TMCO6: variants seen among roughly 807,000 people sequenced by gnomAD.
The protein encoded by TMCO6 is transmembrane and coiled-coil domains 6, also known as transmembrane and coiled-coil domain-containing protein 6.
A neutral mutation model predicts 61.8 loss-of-function variants in TMCO6; 47 were observed. The observed-to-expected ratio is 0.76, with a 90% CI of 0.60 to 0.97. TMCO6 has a LOEUF of 0.97. TMCO6 is among the 50% of genes least tolerant of loss of function. The probability of loss-of-function intolerance (pLI) is 0.00; values close to 1 mark genes in which losing one functional copy is unlikely to be tolerated. For missense variants in TMCO6, 557 were observed against 601.6 expected, an observed-to-expected ratio of 0.93 and a Z score of 0.78; for synonymous variants, 261 against 254.2, an observed-to-expected ratio of 1.03 and a Z score of -0.25.
chr5:140,647,437 ACCCTGGCGTC>A (rs1396045882), downstream of TMCO6: 5 of 1,606,312 alleles, frequency 3.1e-6, no homozygotes, highest in African/African-American at 6.7e-5. Flanking sequence ...CGAGGTCGTG[ACCCTGGCGTC>A]CCGAAGCCCG....
the TMCO6 span, among the ~76,000 whole-genome samples, chr5:140,598,111 G>A: frequency 6.6e-6 from 1 of 152,094 alleles, no homozygotes; most frequent in South Asian, 2.1e-4. Flanking sequence ...CATGGTGCAT[G>A]TGAGCATACC....
chr5:140,632,428 A>C, the TMCO6 span: 1 of 1,614,160 alleles, frequency 6.2e-7, no homozygotes, highest in Non-Finnish European at 8.5e-7. This position sits in a 1 kb window ranked among gnomAD's most constrained non-coding sequence, Gnocchi z 6.2. Context: ...TGTTCGCAGG[A>C]AAAGGCAGGC....
the TMCO6 span, chr5:140,633,403 C>T: frequency 4.1e-6 from 2 of 490,670 alleles, no homozygotes; most frequent in Non-Finnish European, 3.7e-6. Context: ...GACTCAGGCG[C>T]CCCAGGCGGT....
intron 2 of TMCO6, chr5:140,641,236 A>T (rs2149791878): frequency 6.2e-6 from 1 of 160,234 alleles, no homozygotes; most frequent in South Asian, 1.7e-4. Context: ...CAGGCAGAAG[A>T]AATAGCATGT....
At chr5:140,611,181 A>G in the TMCO6 span, among the ~76,000 whole-genome samples, 1 of 152,198 alleles carries the variant, frequency 6.6e-6, no homozygotes, top group Non-Finnish European at 1.5e-5. Flanking sequence ...GGTTCAGGGC[A>G]GGAGAGCTTA....
downstream of TMCO6, chr5:140,647,174 T>C: frequency 2.1e-6 from 3 of 1,425,446 alleles, no homozygotes; most frequent in Non-Finnish European, 2.8e-6. Context: ...CACGGGTTTC[T>C]GCACGACCTT....
Position 140,641,907 on chromosome 5 carries a change from A to T in TMCO6, c.352A>T (p.Thr118Ser). 1 of 1,613,284 alleles carries T rather than the reference A, an allele frequency of 6.2e-7. No homozygotes were observed. Reference sequence around the variant, plus strand: ...CATGCGGACCCTGGTCGGGCTCCTGACCAGCAACCAGGCCCTGCTGCAGCT... The same window carrying T: ...CATGCGGACCCTGGTCGGGCTCCTGTCCAGCAACCAGGCCCTGCTGCAGCT... ...GSMRTLVGLL[T>S]SNQALLQLEA... is the part of the protein sequence containing the mutation. The change falls in exon 4 of 12, where the codon ACC becomes TCC. Residue 118 changes from threonine to serine, a missense_variant. By Grantham distance (58) the Thr-to-Ser change is moderately conservative (BLOSUM62 1). Coordinates refer to ENST00000394671, the MANE Select transcript of TMCO6 (RefSeq NM_018502.5).
chr5:140,639,967 A>C, intron 2 of TMCO6, 116 bp downstream of exon 2: 1 of 820,242 alleles, frequency 1.2e-6, no homozygotes, highest in Non-Finnish European at 2.0e-6. Flanking sequence ...CCACGCATCC[A>C]GTGGGTCAAG....
At chr5:140,617,505 C>T in the TMCO6 span, among the ~76,000 whole-genome samples, 10 of 152,228 alleles carry the variant, frequency 6.6e-5, no homozygotes, top group African/African-American at 1.7e-4. Context: ...TAGCCGAGAT[C>T]GCACCCTGTA....
the TMCO6 span, among the ~76,000 whole-genome samples, chr5:140,608,898 C>G: frequency 1.9e-4 from 29 of 152,310 alleles, 1 homozygote; most frequent in East Asian, 5.4e-3. Context: ...GTTACTGTTG[C>G]TTTGCAATAA....
chr5:140,613,386 TAAAA>T, the TMCO6 span, among the ~76,000 whole-genome samples: 15 of 87,442 alleles, frequency 1.7e-4, no homozygotes, highest in African/African-American at 5.7e-4. Context: ...AGACTCTGAC[TAAAA>T]AAAAAAAAAA....
chr5:140,645,703 TTAAC>T (rs963978163), downstream of TMCO6: 3 of 1,614,040 alleles, frequency 1.9e-6, no homozygotes, highest in Admixed American at 1.7e-5. Context: ...GGAGGTGTCT[TTAAC>T]TATTCTGCAC....
At chr5:140,645,445 T>A, downstream of TMCO6, 3 of 1,063,974 alleles carry the variant, frequency 2.8e-6, no homozygotes, top group Non-Finnish European at 4.2e-6. Flanking sequence ...GGGTAGAGGG[T>A]AGATGAGGAC....
the TMCO6 span, among the ~76,000 whole-genome samples, chr5:140,597,936 T>G: frequency 6.6e-6 from 1 of 152,220 alleles, no homozygotes; most frequent in Admixed American, 6.5e-5. Context: ...CCTGCAGATG[T>G]ATCTCTAGTC....
the TMCO6 span, among the ~76,000 whole-genome samples, chr5:140,603,678 G>T: frequency 5.1e-4 from 77 of 150,480 alleles, no homozygotes; most frequent in Middle Eastern, 6.8e-3. Context: ...AATATTTGGG[G>T]TTTTTTTTTG....
chr5:140,611,013 C>T, the TMCO6 span, among the ~76,000 whole-genome samples: 2 of 152,020 alleles, frequency 1.3e-5, no homozygotes, highest in African/African-American at 2.4e-5. Flanking sequence ...TGATGTATTA[C>T]ATTAATTTTC....
upstream of TMCO6, among the ~76,000 whole-genome samples, chr5:140,635,314 T>C (rs1756743462): frequency 6.6e-6 from 1 of 152,252 alleles, no homozygotes; most frequent in Admixed American, 6.5e-5. Context: ...ATCCCAGCTT[T>C]ACGACTGAGG....
At chr5:140,631,845 TG>T in the TMCO6 span, 46 of 1,527,918 alleles carry the variant, frequency 3.0e-5, no homozygotes, top group Non-Finnish European at 4.0e-5. Context: ...TTCATTATTC[TG>T]TCTTGGATCT....
the TMCO6 span, among the ~76,000 whole-genome samples, chr5:140,597,814 G>T: frequency 6.6e-6 from 1 of 152,164 alleles, no homozygotes; most frequent in East Asian, 1.9e-4. Context: ...CTCAAATTTT[G>T]CCAGATGGGT....
Sources: allele counts gnomAD v4.1 joint callset (sites outside exome capture counted in the v4.1 genomes callset), GRCh38; gene constraint gnomAD v4.1.1; non-coding constraint Gnocchi (gnomAD v3.1); transcripts MANE v1.5; gene names NCBI Gene and HGNC (gene_info 2026-07-23, HGNC 2026-07-21).